The following EDIL3 variants were observed in gnomAD, a reference collection of about 807,000 sequenced individuals.
The protein encoded by EDIL3 is EGF-like repeat and discoidin I-like domain-containing protein 3.
EDIL3 carries 37 observed loss-of-function variants against 67.4 expected under a neutral mutation model. The observed-to-expected ratio is 0.55, with a 90% CI of 0.42 to 0.72. The LOEUF is 0.72. Among genes scored for constraint, EDIL3 ranks in the 30% least tolerant of loss-of-function variants. The pLI is 0.00. For synonymous variants in EDIL3, 195 were observed against 196.3 expected (o/e 0.99, Z 0.05); for missense variants, 527 against 586.3 (o/e 0.90, Z 1.04).
At chr5:83,962,664 G>A (rs13160099) in intron 10 of EDIL3, among the ~76,000 whole-genome samples, 30,739 of 150,840 alleles carry the variant, frequency 0.2, 3,248 homozygotes, top group Non-Finnish European at 0.23. Context: ...TGAAGGAAAC[G>A]GAGCAGAAAA....
rs993187266 is a variant in EDIL3 at position 84,228,972 on chromosome 5, T to C, written c.226+883A>G. Among the ~76,000 whole-genome samples the C allele has an allele frequency of 6.6e-5, 10 of 152,288 alleles. No individual in the cohort carries two copies. In the East Asian group the frequency reaches 1.4e-3, roughly 21 times the overall value. ...CTTGTCTCTCAGGCCTAAATCCTTTTCTCAGTTACTAAAAAGAATCCATCT... is the reference window on the plus strand; with the variant it reads ...CTTGTCTCTCAGGCCTAAATCCTTTCCTCAGTTACTAAAAAGAATCCATCT... On this transcript the variant is annotated intron_variant, in intron 3 of 10. Transcript: ENST00000296591.
At chr5:84,156,784 T>C (rs1205836733) in intron 4 of EDIL3, among the ~76,000 whole-genome samples, 2 of 152,150 alleles carry the variant, frequency 1.3e-5, no homozygotes, top group African/African-American at 4.8e-5. Flanking sequence ...CAGAAGAGTA[T>C]ATTCCCTAAG....
chr5:84,297,671 T>C (rs1007140884), intron 1 of EDIL3, among the ~76,000 whole-genome samples: 1 of 152,192 alleles, frequency 6.6e-6, no homozygotes, highest in African/African-American at 2.4e-5. Context: ...GCCCATGCTA[T>C]TTATTGGTAA....
At chr5:84,362,991 T>C (rs1580102517) in intron 1 of EDIL3, among the ~76,000 whole-genome samples, 1 of 152,192 alleles carries the variant, frequency 6.6e-6, no homozygotes, top group East Asian at 1.9e-4. Flanking sequence ...TCCAAATGCA[T>C]TTATTTTTTG....
chr5:84,183,380 C>T (rs914689361), intron 3 of EDIL3, among the ~76,000 whole-genome samples: 6 of 152,054 alleles, frequency 3.9e-5, no homozygotes, highest in African/African-American at 1.2e-4. Context: ...CATCAATTCA[C>T]TTCAAATGAG....
chr5:84,011,995 G>A (rs1745524649), intron 9 of EDIL3, among the ~76,000 whole-genome samples: 2 of 152,032 alleles, frequency 1.3e-5, no homozygotes, highest in South Asian at 4.1e-4. Flanking sequence ...ATTCCACAAA[G>A]GCAGGAATTT....
chr5:84,133,376 A>G (rs1241344289), intron 5 of EDIL3, among the ~76,000 whole-genome samples: 1 of 149,746 alleles, frequency 6.7e-6, no homozygotes, highest in Non-Finnish European at 1.5e-5. Flanking sequence ...TAATCCCATT[A>G]CTTTGGGAGG....
At chr5:84,112,424 A>G (rs907164868) in intron 5 of EDIL3, among the ~76,000 whole-genome samples, 9 of 152,230 alleles carry the variant, frequency 5.9e-5, no homozygotes, top group African/African-American at 2.2e-4. Context: ...CAAAGGGTCC[A>G]GAGAGCAAAC....
chr5:84,180,656 T>G (rs1222936628), intron 3 of EDIL3, 135 bp from the exon 4 acceptor site: 1 of 1,031,320 alleles, frequency 9.7e-7, no homozygotes, highest in Non-Finnish European at 1.3e-6. Flanking sequence ...ACTGGTTGTA[T>G]GAGCTCTGGA....
rs1215456874 is a variant in EDIL3, at chr5:84,219,500, A to ACC, written c.226+10354_226+10355insGG. Among the ~76,000 whole-genome samples the ACC allele has an allele frequency of 3.5e-3, 536 of 152,268 alleles. 6 individuals are homozygous for ACC. Among genetic ancestry groups the ACC allele is most frequent in the African/African-American group, 0.012 (516 of 41,548 alleles). On this transcript the variant is annotated intron_variant, in intron 3 of 10. Transcript: ENST00000296591. Reference sequence around the variant, plus strand: ...GGAGGAAAGGCAACCCTTGTATTATACACTGTTGGTGGGAATGTATTTATC... The same window carrying ACC: ...GGAGGAAAGGCAACCCTTGTATTATACCCACTGTTGGTGGGAATGTATTTATC...
rs56261126 is a variant in EDIL3 at position 84,059,243 on chromosome 5, GA to G, written c.1137+1056del. 2.4e-3 allele frequency among the ~76,000 whole-genome samples: 354 copies of G among 149,028 alleles called. 1 individual carries two copies. Among genetic ancestry groups the G allele is most frequent in the African/African-American group, 8.1e-3 (328 of 40,722 alleles). On this transcript the variant is annotated intron_variant, in intron 9 of 10. Transcript: ENST00000296591. ...CAGTGAGACACCTGTCTGCACAAAA[GA>G]AAAAAAAAATTAGCGGGGTATAGTG...
chr5:84,292,829 A>G (rs1052691694), intron 1 of EDIL3, among the ~76,000 whole-genome samples: 3 of 152,176 alleles, frequency 2.0e-5, no homozygotes, highest in Admixed American at 2.0e-4. Flanking sequence ...CGAAAGTGAG[A>G]CTTTTAATAA....
chr5:84,066,963 A>G (rs1746654044), intron 6 of EDIL3, among the ~76,000 whole-genome samples: 3 of 152,228 alleles, frequency 2.0e-5, no homozygotes, highest in South Asian at 2.1e-4. Flanking sequence ...TGTCATTACT[A>G]TAAAACTCTA....
intron 1 of EDIL3, among the ~76,000 whole-genome samples, chr5:84,327,426 C>A (rs1746786595): frequency 6.6e-6 from 1 of 151,770 alleles, no homozygotes; most frequent in Admixed American, 6.6e-5. Flanking sequence ...CTTTTTCATG[C>A]TTTTGACTCC....
At chr5:84,199,768 T>G (rs1004934167) in intron 3 of EDIL3, among the ~76,000 whole-genome samples, 4 of 151,980 alleles carry the variant, frequency 2.6e-5, no homozygotes, top group Non-Finnish European at 5.9e-5. Flanking sequence ...TGAAGGGACT[T>G]TAGTGGTGGG....
chr5:84,227,839 A>G (rs1413317563), intron 3 of EDIL3, among the ~76,000 whole-genome samples: 2 of 152,118 alleles, frequency 1.3e-5, no homozygotes, highest in Non-Finnish European at 2.9e-5. Context: ...TAAATACTAC[A>G]CATTCTCACT....
At chr5:84,031,137 C>T (rs562775014) in intron 9 of EDIL3, among the ~76,000 whole-genome samples, 1 of 152,196 alleles carries the variant, frequency 6.6e-6, no homozygotes, top group South Asian at 2.1e-4. Flanking sequence ...AACCTTATGA[C>T]ATCATTTTAC....
intron 1 of EDIL3, among the ~76,000 whole-genome samples, chr5:84,306,320 T>C (rs529613250): frequency 1.5e-4 from 23 of 152,318 alleles, no homozygotes; most frequent in African/African-American, 5.3e-4. Flanking sequence ...TTTAAAGTCA[T>C]AACATTTGGT....
At chr5:84,057,348 C>T (rs1232978550) in intron 9 of EDIL3, among the ~76,000 whole-genome samples, 2 of 151,844 alleles carry the variant, frequency 1.3e-5, no homozygotes, top group South Asian at 2.1e-4. Context: ...ATTTGCAATC[C>T]CTTTATGTGG....
Sources: gnomAD v4.1 joint callset for allele counts (sites outside exome capture counted in the v4.1 genomes callset) on GRCh38, gnomAD v4.1.1 for gene constraint, MANE v1.5 for transcripts, NCBI Gene and HGNC (gene_info 2026-07-23, HGNC 2026-07-21) for gene names.